RABGAP1L: variants seen among roughly 807,000 people sequenced by gnomAD.
RABGAP1L encodes rab GTPase-activating protein 1-like.
Under a neutral mutation model 137.7 loss-of-function variants are expected in RABGAP1L, and 63 were observed. The observed-to-expected ratio is 0.46, with a 90% confidence interval of 0.37 to 0.56. RABGAP1L has a LOEUF of 0.56. RABGAP1L is among the 20% of genes least tolerant of loss of function. The probability of loss-of-function intolerance (pLI) is 0.00; values close to 1 mark genes in which losing one functional copy is unlikely to be tolerated. For synonymous variants in RABGAP1L, 431 were observed against 433.7 expected (o/e 0.99, Z 0.08); for missense variants, 1,095 against 1,244.0 (o/e 0.88, Z 1.80).
In RABGAP1L at chr1:174,448,624, A is replaced by G. The variant is rs1655069777; in HGVS notation, c.1710+54479A>G. 1 of 1,613,798 alleles carries G rather than the reference A, an allele frequency of 6.2e-7. No homozygotes were observed. Among genetic ancestry groups the G allele is most frequent in the African/African-American group, 1.3e-5 (1 of 74,984 alleles). On this transcript the variant is annotated intron_variant, in intron 13 of 25. Transcript: ENST00000681986. This position sits in a 1 kb window ranked among gnomAD's most constrained non-coding sequence, Gnocchi z 4.2. ...TTTTGATCTGGATCTACTCCTGCCTAATTTTCTTGCCTTCCTTTTTTGGCT... is the reference window on the plus strand; with the variant it reads ...TTTTGATCTGGATCTACTCCTGCCTGATTTTCTTGCCTTCCTTTTTTGGCT...
chr1:174,528,369 T>C (rs570388064), intron 13 of RABGAP1L, among the ~76,000 whole-genome samples: 2 of 152,268 alleles, frequency 1.3e-5, no homozygotes, highest in Admixed American at 6.5e-5. Context: ...AGGACTCCCT[T>C]GAGCATTTCT....
intron 19 of RABGAP1L, among the ~76,000 whole-genome samples, chr1:174,901,842 C>T (rs1300874611): frequency 6.6e-6 from 1 of 152,094 alleles, no homozygotes; most frequent in Non-Finnish European, 1.5e-5. Context: ...GGTTGCTGAC[C>T]TTTGAGTGAG....
At chr1:174,220,921 G>T in intron 2 of RABGAP1L, 51 bp from the exon 3 acceptor site, 2 of 1,379,224 alleles carry the variant, frequency 1.5e-6, no homozygotes, top group South Asian at 1.9e-5. Context: ...ATAAAATTTA[G>T]CTTCAGAACT....
intron 19 of RABGAP1L, among the ~76,000 whole-genome samples, chr1:174,815,138 C>G (rs1690259377): frequency 6.6e-6 from 1 of 152,190 alleles, no homozygotes; most frequent in South Asian, 2.1e-4. Context: ...GTTCCTACCA[C>G]CTCCCCGTTC....
At chr1:174,459,275 C>G (rs1025483397) in intron 13 of RABGAP1L, among the ~76,000 whole-genome samples, 54 of 152,070 alleles carry the variant, frequency 3.6e-4, no homozygotes, top group African/African-American at 1.3e-3. Flanking sequence ...TTGTTTTAAA[C>G]TATTAATAAT....
At chr1:174,172,468 C>T (rs934759248) in intron 1 of RABGAP1L, among the ~76,000 whole-genome samples, 3 of 152,166 alleles carry the variant, frequency 2.0e-5, no homozygotes, top group African/African-American at 7.2e-5. Context: ...ACATTTTCAA[C>T]AACAGTGTAC....
intron 7 of RABGAP1L, among the ~76,000 whole-genome samples, chr1:174,259,310 A>C (rs1327912113): frequency 2.0e-5 from 3 of 151,756 alleles, no homozygotes; most frequent in African/African-American, 7.3e-5. Context: ...CTTACTCCTT[A>C]CTTAGCACTT....
chr1:174,474,601 T>A (rs12097374), intron 13 of RABGAP1L, among the ~76,000 whole-genome samples: 3 of 151,164 alleles, frequency 2.0e-5, no homozygotes, highest in African/African-American at 7.3e-5. Context: ...TGATGATTAT[T>A]ATTATTATTA....
intron 13 of RABGAP1L, among the ~76,000 whole-genome samples, chr1:174,602,250 C>A (rs1670469720): frequency 6.6e-6 from 1 of 152,192 alleles, no homozygotes; most frequent in African/African-American, 2.4e-5. Context: ...ACTTACAGTT[C>A]CACATTGCTG....
intron 13 of RABGAP1L, among the ~76,000 whole-genome samples, chr1:174,519,414 C>G (rs1443171389): frequency 6.6e-6 from 1 of 152,004 alleles, no homozygotes; most frequent in African/African-American, 2.4e-5. Context: ...GGCTGGGCGG[C>G]TAGGCCAGTC....
chr1:174,532,205 T>C (rs1664472174), intron 13 of RABGAP1L, among the ~76,000 whole-genome samples: 1 of 151,616 alleles, frequency 6.6e-6, no homozygotes, highest in Admixed American at 6.6e-5. Flanking sequence ...TTTTTGTTTT[T>C]TGTTTTTTTG....
intron 13 of RABGAP1L, among the ~76,000 whole-genome samples, chr1:174,582,174 C>G (rs1337727044): frequency 6.6e-6 from 1 of 151,998 alleles, no homozygotes; most frequent in Non-Finnish European, 1.5e-5. Context: ...GAGTTTGATA[C>G]CAGTCTGGGC....
intron 19 of RABGAP1L, among the ~76,000 whole-genome samples, chr1:174,875,345 G>C (rs1290492036): frequency 2.6e-5 from 4 of 152,078 alleles, no homozygotes; most frequent in Non-Finnish European, 5.9e-5. Flanking sequence ...GGGTTATAAG[G>C]GTTCTTCGTA....
intron 19 of RABGAP1L, chr1:174,948,854 T>G (rs1279229905): frequency 2.6e-5 from 4 of 152,166 alleles, no homozygotes; most frequent in African/African-American, 9.7e-5. Flanking sequence ...AGACCGGTTG[T>G]CTTTAAACTC....
rs1672158030 is a variant in RABGAP1L at position 174,992,957 on chromosome 1, A to G, written c.*2956A>G. ...GTACAAAACATTCCTCTGAAAATCT[A>G]ATATTTGCAGTATCTAAGAATTGAT... On this transcript the variant is annotated 3_prime_UTR_variant, in exon 26 of 26. Transcript: ENST00000681986. 6.6e-6 allele frequency: 1 copy of G among 152,228 alleles called. No homozygotes were observed. The highest frequency in any genetic ancestry group is 1.5e-5 in the Non-Finnish European group (1 of 68,048). 9.4% of individuals were successfully genotyped at this position (152,228 alleles called of 1,614,324 possible).
chr1:174,291,225 GT>G (rs1676573548), intron 10 of RABGAP1L, among the ~76,000 whole-genome samples: 2 of 151,488 alleles, frequency 1.3e-5, no homozygotes, highest in Middle Eastern at 3.4e-3. Context: ...CATCTTTGTG[GT>G]TTTTCCCCCT....
At chr1:174,230,846 T>A (rs1040619511) in intron 3 of RABGAP1L, among the ~76,000 whole-genome samples, 9 of 152,304 alleles carry the variant, frequency 5.9e-5, no homozygotes, top group African/African-American at 1.7e-4. Context: ...GAGTTTTTTT[T>A]AATATAAAGC....
intron 11 of RABGAP1L, among the ~76,000 whole-genome samples, chr1:174,324,353 G>T (rs1286975785): frequency 6.6e-6 from 1 of 152,112 alleles, no homozygotes; most frequent in African/African-American, 2.4e-5. Flanking sequence ...AGACTCAAAG[G>T]TTATAATGCA....
intron 17 of RABGAP1L, among the ~76,000 whole-genome samples, chr1:174,713,364 T>G (rs940243243): frequency 6.6e-6 from 1 of 152,222 alleles, no homozygotes; most frequent in African/African-American, 2.4e-5. Context: ...TGATATGGTT[T>G]TGATATTTGT....
Sources: allele counts gnomAD v4.1 joint callset (sites outside exome capture counted in the v4.1 genomes callset), GRCh38; gene constraint gnomAD v4.1.1; non-coding constraint Gnocchi (gnomAD v3.1); transcripts MANE v1.5; gene names NCBI Gene and HGNC (gene_info 2026-07-23, HGNC 2026-07-21).